The following AOAH variants were observed in gnomAD, a reference collection of about 807,000 sequenced individuals.
AOAH encodes the protein acyloxyacyl hydrolase (neutrophil).
A neutral mutation model predicts 92.2 loss-of-function variants in AOAH; 64 were observed. That is an observed-to-expected ratio of 0.69 (90% CI 0.57 to 0.86). AOAH has a LOEUF of 0.86. AOAH is among the 40% of genes least tolerant of loss of function. AOAH has a pLI of 0.00. For missense variants in AOAH, 656 were observed against 694.6 expected, an observed-to-expected ratio of 0.94 and a Z score of 0.62; for synonymous variants, 263 against 254.5, an observed-to-expected ratio of 1.03 and a Z score of -0.32.
chr7:36,641,051 A>C (rs954941013), intron 4 of AOAH, among the ~76,000 whole-genome samples: 1 of 152,170 alleles, frequency 6.6e-6, no homozygotes, highest in African/African-American at 2.4e-5. Flanking sequence ...GCTTGAGCTA[A>C]GCTCCTACTC....
intron 12 of AOAH, among the ~76,000 whole-genome samples, chr7:36,581,840 C>A (rs375802099): frequency 6.6e-6 from 1 of 152,098 alleles, no homozygotes; most frequent in East Asian, 1.9e-4. Flanking sequence ...AAGCCTTGTA[C>A]CAAGCACTAG....
At chr7:36,541,523 A>G (rs1166613132) in intron 15 of AOAH, among the ~76,000 whole-genome samples, 1 of 10,836 alleles carries the variant, frequency 9.2e-5, no homozygotes, top group African/African-American at 1.0e-4. Flanking sequence ...AATGTACAAA[A>G]TACTACAAGA....
At chr7:36,658,272 C>T (rs1449970425) in intron 4 of AOAH, among the ~76,000 whole-genome samples, 1 of 151,850 alleles carries the variant, frequency 6.6e-6, no homozygotes, top group Admixed American at 6.6e-5. Context: ...ATTGGTTAGG[C>T]CACAAAGCAC....
intron 4 of AOAH, among the ~76,000 whole-genome samples, chr7:36,638,893 G>C (rs1052922206): frequency 6.6e-6 from 1 of 152,200 alleles, no homozygotes; most frequent in Non-Finnish European, 1.5e-5. Flanking sequence ...TTGGTGAACA[G>C]CTGTGTCCCT....
rs144454539 is a variant in AOAH at position 36,645,923 on chromosome 7, A to G, written c.391-8013T>C. Among the ~76,000 whole-genome samples, 654 of 152,248 alleles carry G rather than the reference A, an allele frequency of 4.3e-3. 2 individuals are homozygous for G. Among genetic ancestry groups the G allele is most frequent in the African/African-American group, 0.014 (596 of 41,536 alleles). Reference sequence around the variant, plus strand: ...TTTCCTGCTTCTAGGCTAATTTTGCATTGTATAGCTATTAGTATCATCAGA... The same window carrying G: ...TTTCCTGCTTCTAGGCTAATTTTGCGTTGTATAGCTATTAGTATCATCAGA... On this transcript the variant is annotated intron_variant, in intron 4 of 20. Coordinates refer to ENST00000617537, the MANE Select transcript of AOAH (RefSeq NM_001637.4).
chr7:36,562,662 CA>C (rs1562571638), intron 13 of AOAH, among the ~76,000 whole-genome samples: 1 of 152,108 alleles, frequency 6.6e-6, no homozygotes, highest in Non-Finnish European at 1.5e-5. Context: ...TCCATAAATG[CA>C]TATTCAGAAA....
At chr7:36,649,952 G>A (rs929195708) in intron 4 of AOAH, among the ~76,000 whole-genome samples, 2 of 152,174 alleles carry the variant, frequency 1.3e-5, no homozygotes, top group African/African-American at 4.8e-5. Flanking sequence ...CTAGTCACTG[G>A]GTTCCACGGT....
chr7:36,697,742 G>A (rs1797807689), intron 1 of AOAH, among the ~76,000 whole-genome samples: 1 of 152,168 alleles, frequency 6.6e-6, no homozygotes, highest in Admixed American at 6.5e-5. Context: ...TAGGGTTCTT[G>A]TAGATGTATT....
chr7:36,513,459 C>T, intron 20 of AOAH, 79 bp from the exon 21 acceptor site: 8 of 1,450,704 alleles, frequency 5.5e-6, no homozygotes, highest in Non-Finnish European at 7.6e-6. Flanking sequence ...CACGTGCTTT[C>T]TGCCAGAGAC....
At chr7:36,664,658 CT>C (rs1562673394) in intron 3 of AOAH, among the ~76,000 whole-genome samples, 1 of 152,144 alleles carries the variant, frequency 6.6e-6, no homozygotes, top group Non-Finnish European at 1.5e-5. Context: ...AAATAATTTG[CT>C]GGGATTCAGA....
In AOAH at chr7:36,576,528, A is replaced by G. The variant is rs1382175660; in HGVS notation, c.1021+46T>C. 4.4e-6 allele frequency: 5 copies of G among 1,132,574 alleles called. No homozygotes were observed. The East Asian group carries it at 1.3e-4, about 29-fold the overall frequency. The allele number at this position is 1,132,574 out of a possible 1,614,324, so 70.2% of individuals were successfully genotyped here. On this transcript the variant is annotated intron_variant, in intron 13 of 20. Transcript: ENST00000617537. ...TTGAGGTACTTATGAAATAAACTCA[A>G]TCATTACAGGAACATTGATGAAGGC...
intron 12 of AOAH, among the ~76,000 whole-genome samples, chr7:36,591,990 G>A (rs187617070): frequency 1.2e-4 from 18 of 152,188 alleles, no homozygotes; most frequent in East Asian, 1.9e-4. Context: ...TTTAAATATC[G>A]GATCGGTATT....
intron 12 of AOAH, among the ~76,000 whole-genome samples, chr7:36,584,004 A>C (rs1286385499): frequency 1.3e-5 from 2 of 152,240 alleles, no homozygotes; most frequent in Non-Finnish European, 2.9e-5. Flanking sequence ...ATGTTCTGTG[A>C]AACACCAGTT....
rs1169817753 is a variant in AOAH at position 36,724,452 on chromosome 7, C to T, written c.-304G>A. On this transcript the variant is annotated 5_prime_UTR_variant, in exon 1 of 21. Coordinates refer to ENST00000617537, the MANE Select transcript of AOAH (RefSeq NM_001637.4). ...GTAAAGACTGCAGGATAAAGAAAAC[C>T]CAAGTTGCACAGTGGCACAACTTCC... The T allele has an allele frequency of 8.2e-6, 2 of 245,034 alleles. No homozygotes were observed. Among genetic ancestry groups the T allele is most frequent in the African/African-American group, 2.2e-5 (1 of 45,738 alleles). The allele number at this position is 245,034 out of a possible 1,614,324, so 15.2% of individuals were successfully genotyped here.
chr7:36,583,592 G>A (rs146444459), intron 12 of AOAH, among the ~76,000 whole-genome samples: 64 of 152,292 alleles, frequency 4.2e-4, no homozygotes, highest in African/African-American at 1.4e-3. Flanking sequence ...GCAGAGGTGA[G>A]GATGGCTACA....
At chr7:36,685,163 CTG>C (rs1322729009) in intron 2 of AOAH, among the ~76,000 whole-genome samples, 1 of 151,950 alleles carries the variant, frequency 6.6e-6, no homozygotes, top group Non-Finnish European at 1.5e-5. Flanking sequence ...ACCATCCAGA[CTG>C]TGGGAAACTC....
chr7:36,686,373 TC>T (rs1457771111), intron 2 of AOAH, among the ~76,000 whole-genome samples: 36 of 152,310 alleles, frequency 2.4e-4, no homozygotes, highest in African/African-American at 8.4e-4. Flanking sequence ...TATTTTGACT[TC>T]TTAGTACTTA....
chr7:36,641,324 C>A (rs955055656), intron 4 of AOAH, among the ~76,000 whole-genome samples: 7 of 152,058 alleles, frequency 4.6e-5, no homozygotes, highest in Admixed American at 2.6e-4. Context: ...TTCTAGAAGC[C>A]CCCCCTCCTC....
chr7:36,543,566 A>G (rs980946792), intron 15 of AOAH, among the ~76,000 whole-genome samples: 3 of 151,322 alleles, frequency 2.0e-5, no homozygotes, highest in African/African-American at 7.3e-5. Flanking sequence ...AGTCTCCCCA[A>G]ATCCACACTG....
Sources: allele counts gnomAD v4.1 joint callset (sites outside exome capture counted in the v4.1 genomes callset), GRCh38; gene constraint gnomAD v4.1.1; transcripts MANE v1.5; gene names NCBI Gene and HGNC (gene_info 2026-07-23, HGNC 2026-07-21).